MCU: variants seen among roughly 807,000 people sequenced by gnomAD.
MCU encodes mitochondrial calcium uniporter.
A neutral mutation model predicts 45.2 loss-of-function variants in MCU; 12 were observed. The ratio of observed to expected loss-of-function variants is 0.27; its 90% CI spans 0.17 to 0.43. The LOEUF is 0.43. MCU is among the 20% of genes least tolerant of loss of function. The pLI, the probability that MCU is intolerant of heterozygous loss-of-function variation, is 1.00. For synonymous variants in MCU, 160 were observed against 165.1 expected (o/e 0.97, Z 0.24); for missense variants, 324 against 436.7 (o/e 0.74, Z 2.30).
intron 2 of MCU, among the ~76,000 whole-genome samples, chr10:72,839,137 G>A (rs1022792594): frequency 1.3e-5 from 2 of 151,918 alleles, no homozygotes; most frequent in East Asian, 1.9e-4. Flanking sequence ...TTACAAGCAC[G>A]CACCATCACG....
chr10:72,696,372 A>G (rs1040449050), intron 1 of MCU, among the ~76,000 whole-genome samples: 1 of 151,526 alleles, frequency 6.6e-6, no homozygotes, highest in Non-Finnish European at 1.5e-5. Flanking sequence ...ATTCCTTTAA[A>G]TGGAGACAGA....
intron 1 of MCU, among the ~76,000 whole-genome samples, chr10:72,745,091 A>G (rs1381578143): frequency 6.6e-6 from 1 of 152,228 alleles, no homozygotes; most frequent in African/African-American, 2.4e-5. Flanking sequence ...AAAAAAACCT[A>G]TTTATAAACT....
intron 2 of MCU, among the ~76,000 whole-genome samples, chr10:72,836,981 C>T (rs1348634428): frequency 1.3e-5 from 2 of 151,942 alleles, no homozygotes; most frequent in African/African-American, 4.8e-5. Context: ...AGGGCTTGAC[C>T]CTCAGTTTTT....
chr10:72,821,911 A>G (rs1188163743), intron 1 of MCU, among the ~76,000 whole-genome samples: 2 of 152,210 alleles, frequency 1.3e-5, no homozygotes, highest in African/African-American at 2.4e-5. Flanking sequence ...TATGTTCTCT[A>G]ACCACAGTGG....
chr10:72,706,954 C>T (rs563910627), intron 1 of MCU, among the ~76,000 whole-genome samples: 13 of 151,762 alleles, frequency 8.6e-5, no homozygotes, highest in African/African-American at 2.9e-4. Context: ...CTCAGCCTCC[C>T]GAGTAGCTGG....
intron 4 of MCU, chr10:72,861,842 T>C: frequency 3.4e-6 from 1 of 291,048 alleles, no homozygotes. Context: ...CCAGAGTTAA[T>C]GCAAAAAATG....
intron 2 of MCU, among the ~76,000 whole-genome samples, chr10:72,836,420 T>C (rs1224823384): frequency 6.6e-6 from 1 of 152,196 alleles, no homozygotes; most frequent in Non-Finnish European, 1.5e-5. Context: ...ACTATTATCC[T>C]GTTATATATA....
intron 1 of MCU, among the ~76,000 whole-genome samples, chr10:72,722,281 A>G (rs1215836825): frequency 7.4e-6 from 1 of 135,288 alleles, no homozygotes; most frequent in African/African-American, 2.9e-5. Flanking sequence ...GCACCTTTGC[A>G]CTCCAGCCTG....
intron 1 of MCU, chr10:72,692,941 G>A (rs1341826487): frequency 1.2e-5 from 18 of 1,527,592 alleles, no homozygotes; most frequent in Non-Finnish European, 1.3e-5. Flanking sequence ...GCTTCAGGAG[G>A]CAAGCTTCAT....
intron 1 of MCU, among the ~76,000 whole-genome samples, chr10:72,744,457 G>A (rs890290814): frequency 4.6e-5 from 7 of 152,082 alleles, no homozygotes; most frequent in African/African-American, 1.7e-4. Context: ...AAACAGCAAG[G>A]GTAGACTAAC....
chr10:72,716,966 G>A (rs1350870355), intron 1 of MCU, among the ~76,000 whole-genome samples: 1 of 152,120 alleles, frequency 6.6e-6, no homozygotes, highest in East Asian at 1.9e-4. Flanking sequence ...AGTTATTCAA[G>A]GATCACAGAG....
intron 1 of MCU, among the ~76,000 whole-genome samples, chr10:72,758,478 G>C (rs1305582338): frequency 6.6e-6 from 1 of 152,196 alleles, no homozygotes; most frequent in Non-Finnish European, 1.5e-5. Context: ...TAAAATCTCA[G>C]AGAATTGATG....
At chr10:72,765,219 C>CT (rs1227769100) in intron 1 of MCU, among the ~76,000 whole-genome samples, 1 of 151,902 alleles carries the variant, frequency 6.6e-6, no homozygotes, top group East Asian at 1.9e-4. Flanking sequence ...TAATTTACAA[C>CT]TATTTGATTG....
At chr10:72,692,354 G>A (rs1842633671) in intron 1 of MCU, 53 bp downstream of exon 1, 1 of 1,167,814 alleles carries the variant, frequency 8.6e-7, no homozygotes, top group East Asian at 3.9e-5. Flanking sequence ...GCTGGCGTGT[G>A]GGAGCCGCCG....
At chr10:72,710,343 A>G (rs1245202533) in intron 1 of MCU, among the ~76,000 whole-genome samples, 1 of 152,154 alleles carries the variant, frequency 6.6e-6, no homozygotes, top group African/African-American at 2.4e-5. Context: ...GGAAACTATA[A>G]TAGATTTCTT....
intron 1 of MCU, among the ~76,000 whole-genome samples, chr10:72,727,700 A>C (rs1843119446): frequency 6.6e-6 from 1 of 152,144 alleles, no homozygotes; most frequent in Non-Finnish European, 1.5e-5. Context: ...TATGGGAAGC[A>C]CTATGCTACA....
chr10:72,837,169 A>T (rs1844967099), intron 2 of MCU, among the ~76,000 whole-genome samples: 1 of 152,168 alleles, frequency 6.6e-6, no homozygotes, highest in South Asian at 2.1e-4. Context: ...TTACCTCTCT[A>T]ACAAAGCAAT....
intron 1 of MCU, among the ~76,000 whole-genome samples, chr10:72,738,759 G>A (rs1843284724): frequency 6.6e-6 from 1 of 152,228 alleles, no homozygotes; most frequent in South Asian, 2.1e-4. Context: ...AGCCCTTGAT[G>A]GTTGAACTCA....
chr10:72,863,698 C>T (rs1845413429), intron 4 of MCU, among the ~76,000 whole-genome samples: 1 of 152,168 alleles, frequency 6.6e-6, no homozygotes, highest in Admixed American at 6.5e-5. Flanking sequence ...CTCACTGCAA[C>T]CTCTGCCTCC....
Sources: gnomAD v4.1 joint callset for allele counts (sites outside exome capture counted in the v4.1 genomes callset) on GRCh38, gnomAD v4.1.1 for gene constraint, MANE v1.5 for transcripts, NCBI Gene and HGNC (gene_info 2026-07-23, HGNC 2026-07-21) for gene names.